Variants in TSEN15 observed in about 807,000 individuals in gnomAD.
The protein encoded by TSEN15 is tRNA-splicing endonuclease subunit Sen15.
A neutral mutation model predicts 20.5 loss-of-function variants in TSEN15; 10 were observed. The observed-to-expected ratio is 0.49, with a 90% confidence interval of 0.30 to 0.83. TSEN15 has a LOEUF of 0.83. Ranked by LOEUF, TSEN15 falls within the 40% of genes least tolerant of loss-of-function variation. TSEN15 has a pLI of 0.06. For synonymous variants in TSEN15, 72 were observed against 80.1 expected (o/e 0.90, Z 0.54); for missense variants, 180 against 218.6 (o/e 0.82, Z 1.11).
downstream of TSEN15, among the ~76,000 whole-genome samples, chr1:184,077,003 A>T (rs1271851172): frequency 6.6e-6 from 1 of 152,178 alleles, no homozygotes; most frequent in African/African-American, 2.4e-5. Flanking sequence ...TTATCAAAAA[A>T]TCTAGCTAAG....
At chr1:184,091,563 C>A (rs1283463982) in intron 3 of TSEN15, among the ~76,000 whole-genome samples, 1 of 152,028 alleles carries the variant, frequency 6.6e-6, no homozygotes, top group Non-Finnish European at 1.5e-5. Context: ...CCTCTCCTTG[C>A]ATGTAGGTGT....
intron 3 of TSEN15, among the ~76,000 whole-genome samples, chr1:184,058,527 G>T (rs1320715812): frequency 6.6e-6 from 1 of 151,866 alleles, no homozygotes; most frequent in Non-Finnish European, 1.5e-5. Context: ...TAGGTAGTAG[G>T]CATACTTTTA....
intron 3 of TSEN15, among the ~76,000 whole-genome samples, chr1:184,062,022 A>G (rs1357357920): frequency 6.6e-6 from 1 of 152,158 alleles, no homozygotes; most frequent in East Asian, 1.9e-4. Context: ...TCTTGTGTGT[A>G]ATAGTCCTTA....
In TSEN15 at chr1:184,073,837, A is replaced by G. The variant is rs1426505929; in HGVS notation, c.*990A>G. 6.6e-6 allele frequency: 1 copy of G among 152,208 alleles called. No individual in the cohort carries two copies. Among genetic ancestry groups the G allele is most frequent in the Non-Finnish European group, 1.5e-5 (1 of 68,030 alleles). The allele number at this position is 152,208 out of a possible 1,614,324, so 9.4% of individuals were successfully genotyped here. A position where few individuals can be genotyped will look rare whatever the true frequency, so the allele number is the denominator to read the frequency against. On this transcript the variant is annotated 3_prime_UTR_variant, in exon 5 of 5. Transcript: ENST00000645668. ...GCACAAAAGCAGCCATAGACAATAC[A>G]TAAACAATACGGGCGTGGCTTTGTT... is the stretch of plus-strand genomic sequence containing the variant.
chr1:184,065,008 C>T (rs959688645), intron 3 of TSEN15, among the ~76,000 whole-genome samples: 3 of 152,118 alleles, frequency 2.0e-5, no homozygotes, highest in African/African-American at 7.2e-5. Context: ...TATGTAAGTG[C>T]CTACTTGACA....
chr1:184,075,910 A>ATATATATATATATATATATATATATAT (rs760409158), downstream of TSEN15, among the ~76,000 whole-genome samples: 1 of 123,738 alleles, frequency 8.1e-6, no homozygotes, highest in Non-Finnish European at 1.8e-5. Context: ...ATATATATAT[A>ATATATATATATATATATATATATATAT]TTTTTTTTTT....
At chr1:184,068,008 C>G (rs571841295) in intron 3 of TSEN15, among the ~76,000 whole-genome samples, 2 of 145,004 alleles carry the variant, frequency 1.4e-5, no homozygotes, top group East Asian at 4.0e-4. Context: ...CATCCACTTG[C>G]AGGATTTATC....
intron 3 of TSEN15, among the ~76,000 whole-genome samples, chr1:184,081,291 A>G (rs2102901078): frequency 1.3e-5 from 2 of 152,306 alleles, no homozygotes; most frequent in South Asian, 2.1e-4. Context: ...TTGCTTGCTC[A>G]CTTTACATGC....
chr1:184,059,579 C>CT (rs372557633), intron 3 of TSEN15, among the ~76,000 whole-genome samples: 29 of 151,168 alleles, frequency 1.9e-4, no homozygotes, highest in African/African-American at 5.1e-4. Flanking sequence ...TTTATACCTT[C>CT]TTTTTTTTTG....
intron 3 of TSEN15, among the ~76,000 whole-genome samples, chr1:184,087,911 T>C (rs1397871200): frequency 6.6e-6 from 1 of 152,106 alleles, no homozygotes; most frequent in Non-Finnish European, 1.5e-5. Flanking sequence ...TTGGTTGAGA[T>C]AGTATCGGAG....
In TSEN15 at chr1:184,066,492, G is replaced by A. The variant is rs567652495; in HGVS notation, c.354-5665G>A. On this transcript the variant is annotated intron_variant, in intron 3 of 4. Transcript: ENST00000645668. ...ATCTCGGCTCACTGCAACCCGGTCCGCCTCCTGGGTTCAAGCAATTCTCAT... is the reference window on the plus strand; with the variant it reads ...ATCTCGGCTCACTGCAACCCGGTCCACCTCCTGGGTTCAAGCAATTCTCAT... 3.8e-4 allele frequency among the ~76,000 whole-genome samples: 57 copies of A among 151,658 alleles called. 1 individual carries two copies. The highest frequency in any genetic ancestry group is 1.3e-3 in the African/African-American group (54 of 41,362).
chr1:184,052,876 T>G (rs1650106363), intron 1 of TSEN15, among the ~76,000 whole-genome samples: 1 of 152,210 alleles, frequency 6.6e-6, no homozygotes, highest in African/African-American at 2.4e-5. Context: ...CCTGATTCTG[T>G]CACTTATCAA....
chr1:184,092,860 C>T (rs146636702), intron 3 of TSEN15, among the ~76,000 whole-genome samples: 3 of 152,234 alleles, frequency 2.0e-5, no homozygotes, highest in Non-Finnish European at 2.9e-5. Context: ...GATGAGATGC[C>T]CCAGACCTGA....
intron 3 of TSEN15, among the ~76,000 whole-genome samples, chr1:184,055,941 T>C (rs1444676951): frequency 4.6e-5 from 7 of 151,874 alleles, no homozygotes; most frequent in African/African-American, 1.7e-4. Context: ...TCCATGTACA[T>C]TGGGAATTTT....
chr1:184,092,650 A>C (rs1651380509), intron 3 of TSEN15, among the ~76,000 whole-genome samples: 1 of 152,164 alleles, frequency 6.6e-6, no homozygotes, highest in Non-Finnish European at 1.5e-5. Flanking sequence ...CTAGAGTTCA[A>C]ATTTGGTCTC....
At chr1:184,093,361 C>T (rs1651392830) in intron 3 of TSEN15, among the ~76,000 whole-genome samples, 1 of 152,112 alleles carries the variant, frequency 6.6e-6, no homozygotes, top group African/African-American at 2.4e-5. Flanking sequence ...GTGGAAGGGG[C>T]ACAGGCTTTG....
chr1:184,090,707 C>T (rs896873659), intron 3 of TSEN15, among the ~76,000 whole-genome samples: 1 of 152,150 alleles, frequency 6.6e-6, no homozygotes, highest in African/African-American at 2.4e-5. Flanking sequence ...ATTTGGATTT[C>T]TGTCTTCATT....
At chr1:184,053,364 C>T (rs1397074542) in intron 1 of TSEN15, among the ~76,000 whole-genome samples, 2 of 152,154 alleles carry the variant, frequency 1.3e-5, no homozygotes, top group Non-Finnish European at 2.9e-5. Flanking sequence ...TTATTATTCT[C>T]CTGCTTAGAA....
chr1:184,091,369 C>T (rs1406622826), intron 3 of TSEN15, among the ~76,000 whole-genome samples: 2 of 151,656 alleles, frequency 1.3e-5, no homozygotes, highest in Non-Finnish European at 2.9e-5. Flanking sequence ...GTCACCAAGG[C>T]TCAGAAATTG....
Sources: allele counts gnomAD v4.1 joint callset (sites outside exome capture counted in the v4.1 genomes callset), GRCh38; gene constraint gnomAD v4.1.1; transcripts MANE v1.5; gene names NCBI Gene and HGNC (gene_info 2026-07-23, HGNC 2026-07-21).